SLC15A1: variants seen among roughly 807,000 people sequenced by gnomAD.
The protein encoded by SLC15A1 is solute carrier family 15 member 1.
In SLC15A1, 83 loss-of-function variants were observed where a neutral mutation model predicts 92.9. The ratio of observed to expected loss-of-function variants is 0.89; its 90% CI spans 0.75 to 1.07. SLC15A1 has a LOEUF of 1.07. SLC15A1 is among the 50% of genes least tolerant of loss of function. SLC15A1 has a pLI of 0.00. For synonymous variants in SLC15A1, 322 were observed against 318.2 expected (o/e 1.01, Z -0.13); for missense variants, 857 against 880.1 (o/e 0.97, Z 0.33).
Position 98,684,608 on chromosome 13 carries a change from G to T in SLC15A1, c.*116C>A. On this transcript the variant is annotated 3_prime_UTR_variant, in exon 23 of 23. Transcript: ENST00000376503. ...AAAAGAAAATAGCATTCATGGTTTA[G>T]TTCCCAATTCTGAAGTCTTCCTCAT... 14 of 560,602 alleles carry T rather than the reference G, an allele frequency of 2.5e-5. No individual in the cohort carries two copies. The highest frequency in any genetic ancestry group is 3.8e-5 in the Non-Finnish European group (12 of 315,838). 34.7% of individuals were successfully genotyped at this position (560,602 alleles called of 1,614,324 possible). A position where few individuals can be genotyped will look rare whatever the true frequency, so the allele number is the denominator to read the frequency against.
At chr13:98,725,879 C>T (rs2088294492) in intron 4 of SLC15A1, among the ~76,000 whole-genome samples, 1 of 152,176 alleles carries the variant, frequency 6.6e-6, no homozygotes, top group Non-Finnish European at 1.5e-5. Flanking sequence ...GTGTATGCCA[C>T]TATGCCTTGC....
intron 17 of SLC15A1, among the ~76,000 whole-genome samples, chr13:98,703,539 C>CTTTTTTTTTTTTTT (rs771426478): frequency 2.3e-5 from 2 of 85,540 alleles, no homozygotes; most frequent in African/African-American, 6.6e-5. Flanking sequence ...GCTGCTGCTG[C>CTTTTTTTTTTTTTT]TTTTTTTTTT....
At position 98,708,752 on chromosome 13, in the gene SLC15A1, C is replaced by A. The variant is rs761381923; in HGVS notation, c.1083G>T (p.Met361Ile). The change falls in exon 15 of 23, where the codon ATG (methionine) becomes ATT (isoleucine). Residue 361 changes from methionine (M) to isoleucine (I), a missense_variant. Coordinates refer to ENST00000376503, the MANE Select transcript of SLC15A1 (RefSeq NM_005073.4). ...TGGAGGCCAGGACCATGCCAACTGC[C>A]ATCTTCTTCAAGGAGCTGATGGCAC... ...CGFNFTSLKKMAVGMVLASMA... is the reference protein window; with the variant it reads ...CGFNFTSLKKIAVGMVLASMA... 9 of 1,611,580 alleles carry A rather than the reference C, an allele frequency of 5.6e-6. No homozygotes were observed. The African/African-American group carries it at 9.4e-5, about 17-fold the overall frequency.
At chr13:98,691,511 C>T (rs1466720291) in intron 18 of SLC15A1, among the ~76,000 whole-genome samples, 1 of 152,236 alleles carries the variant, frequency 6.6e-6, no homozygotes, top group African/African-American at 2.4e-5. Flanking sequence ...TGACACCTCA[C>T]ATGTCACATT....
chr13:98,734,172 G>T (rs1274025918), intron 1 of SLC15A1, among the ~76,000 whole-genome samples: 1 of 152,054 alleles, frequency 6.6e-6, no homozygotes, highest in Non-Finnish European at 1.5e-5. Flanking sequence ...CACCATGTTG[G>T]CCAGGCTGGT....
At chr13:98,713,449 C>A (rs1363914250) in intron 9 of SLC15A1, among the ~76,000 whole-genome samples, 1 of 152,184 alleles carries the variant, frequency 6.6e-6, no homozygotes, top group Non-Finnish European at 1.5e-5. Context: ...ACCAGATTTA[C>A]ACACTAAGTT....
intron 21 of SLC15A1, among the ~76,000 whole-genome samples, chr13:98,687,016 C>G (rs1301327001): frequency 6.7e-6 from 1 of 148,756 alleles, no homozygotes; most frequent in Admixed American, 6.8e-5. Context: ...GGTGTGATCA[C>G]AGCTCACTGC....
At chr13:98,734,424 G>A (rs1212562310) in intron 1 of SLC15A1, among the ~76,000 whole-genome samples, 1 of 152,088 alleles carries the variant, frequency 6.6e-6, no homozygotes, top group Admixed American at 6.5e-5. Flanking sequence ...ATCTCACTGG[G>A]ACTGGTTGGA....
At chr13:98,692,136 CTTTT>C (rs528865683) in intron 18 of SLC15A1, among the ~76,000 whole-genome samples, 6 of 67,636 alleles carry the variant, frequency 8.9e-5, no homozygotes, top group Non-Finnish European at 1.3e-4. Flanking sequence ...TTCTCCTAAA[CTTTT>C]TTTTTTTTTT....
intron 1 of SLC15A1, among the ~76,000 whole-genome samples, chr13:98,740,255 G>A (rs1729612633): frequency 6.6e-6 from 1 of 152,186 alleles, no homozygotes; most frequent in South Asian, 2.1e-4. Flanking sequence ...CTGGGGCAGG[G>A]AGGTGCTTGC....
rs762930298 is a variant in SLC15A1, at chr13:98,711,839, A to T, written c.900+15T>A. 3.1e-6 allele frequency: 5 copies of T among 1,598,740 alleles called. No homozygotes were observed. The highest frequency in any genetic ancestry group is 4.3e-6 in the Non-Finnish European group (5 of 1,165,994). ...TTGCTCCGTGAAGAAGAGCACAAGC[A>T]GAGTTTCACATTACCTGCTGGTCAA... On this transcript the variant is annotated intron_variant, in intron 11 of 22. Transcript: ENST00000376503.
intron 2 of SLC15A1, 175 bp downstream of exon 2, chr13:98,726,668 G>A (rs2088304479): frequency 1.3e-6 from 1 of 759,438 alleles, no homozygotes; most frequent in Non-Finnish European, 2.3e-6. Context: ...TTGTTAGTCT[G>A]AGGAGGATTA....
At chr13:98,742,724 G>C (rs184390854) in intron 1 of SLC15A1, among the ~76,000 whole-genome samples, 1 of 152,228 alleles carries the variant, frequency 6.6e-6, no homozygotes, top group East Asian at 1.9e-4. Context: ...CTCACGTGGC[G>C]CTTGCCCTGT....
chr13:98,703,264 A>G (rs2088084498), intron 17 of SLC15A1, among the ~76,000 whole-genome samples: 1 of 151,938 alleles, frequency 6.6e-6, no homozygotes, highest in Admixed American at 6.6e-5. Context: ...GGAAGAAGAA[A>G]GAAGAAGGGC....
At chr13:98,750,873 T>G (rs1259981504) in intron 1 of SLC15A1, among the ~76,000 whole-genome samples, 1 of 151,960 alleles carries the variant, frequency 6.6e-6, no homozygotes, top group South Asian at 2.1e-4. Context: ...TGCCTCAGCC[T>G]TCCGAGTAGC....
intron 20 of SLC15A1, among the ~76,000 whole-genome samples, chr13:98,688,021 T>C (rs762467797): frequency 3.9e-5 from 6 of 152,348 alleles, no homozygotes; most frequent in Admixed American, 2.6e-4. Context: ...AGGCATCAGA[T>C]ATTGGTTAAC....
rs1401413184 is a variant in SLC15A1 at position 98,721,491 on chromosome 13, T to C, written c.556+4A>G. 1 of 1,607,268 alleles carries C rather than the reference T, an allele frequency of 6.2e-7. No individual in the cohort carries two copies. Among genetic ancestry groups the C allele is most frequent in the Middle Eastern group, 1.7e-4 (1 of 6,052 alleles). ...AACAGAAGTTCCTTTCAGGTATCTC[T>C]TACCTCTGAGCATGGGTGTGATGAT... On this transcript the variant is annotated splice_donor_region_variant and intron_variant, in intron 7 of 22. Transcript: ENST00000376503.
Position 98,704,290 on chromosome 13 carries a change from A to G in SLC15A1, c.1415T>C (p.Val472Ala), listed in dbSNP as rs760974461. The change falls in exon 17 of 23, where the codon GTG becomes GCG. Residue 472 changes from valine to alanine, a missense_variant and splice_region_variant. Val to Ala is a moderately conservative substitution (Grantham distance 64). Transcript: ENST00000376503. ...AGCTGTAGGTCTTCACACACTTACC[A>G]CCTGGTAGTGATTGGGGGCCCACAC... ...LLVWAPNHYQ[V>A]VKDGLNQKPE... The G allele has an allele frequency of 6.2e-7, 1 of 1,605,094 alleles. No homozygotes were observed. The highest frequency in any genetic ancestry group is 1.1e-5 in the South Asian group (1 of 89,546).
chr13:98,731,697 A>G (rs915938003), intron 1 of SLC15A1, among the ~76,000 whole-genome samples: 6 of 152,138 alleles, frequency 3.9e-5, no homozygotes, highest in African/African-American at 1.4e-4. Flanking sequence ...GAAAGACTTC[A>G]TCTTTCCAGA....
Sources: gnomAD v4.1 joint callset for allele counts (sites outside exome capture counted in the v4.1 genomes callset) on GRCh38, gnomAD v4.1.1 for gene constraint, MANE v1.5 for transcripts, NCBI Gene and HGNC (gene_info 2026-07-23, HGNC 2026-07-21) for gene names.